Variants in PSG7 observed in about 807,000 individuals in gnomAD.
PSG7 encodes the protein pregnancy specific beta-1-glycoprotein 7.
PSG7 carries 57 observed loss-of-function variants against 45.6 expected under a neutral mutation model. The ratio of observed to expected loss-of-function variants is 1.25; its 90% CI spans 1.01 to 1.56. PSG7 has a LOEUF of 1.56. Among genes scored for constraint, PSG7 ranks in the 40% most tolerant of loss-of-function variants. The pLI, the probability that PSG7 is intolerant of heterozygous loss-of-function variation, is 0.00. For synonymous variants in PSG7, 298 were observed against 194.4 expected (o/e 1.53, Z -4.43); for missense variants, 796 against 508.4 (o/e 1.57, Z -5.44).
Position 42,926,665 on chromosome 19 carries a change from T to A in PSG7, c.761A>T (p.Asn254Ile), listed in dbSNP as rs769937860. Residue 254 changes from asparagine to isoleucine, a missense_variant, in exon 4 of 6, where the codon AAT becomes ATT. Asn to Ile is a moderately radical substitution (Grantham distance 149, BLOSUM62 -3). Transcript: ENST00000406070. ...ACAGGTGAAGGTTGAGACATCCTTA[T>A]TCTCCCTGGGGTTTAAGTTATTGAT... ...ITINNLNPRE[N>I]KDVSTFTCEP... is the part of the protein sequence containing the mutation. 6.2e-7 allele frequency: 1 copy of A among 1,610,328 alleles called. No individual in the cohort carries two copies. Among genetic ancestry groups the A allele is most frequent in the East Asian group, 2.2e-5 (1 of 44,808 alleles).
intron 1 of PSG7, among the ~76,000 whole-genome samples, chr19:42,936,688 C>G (rs1246965358): frequency 6.6e-6 from 1 of 151,174 alleles, no homozygotes; most frequent in African/African-American, 2.4e-5. Context: ...CATACTGTCA[C>G]CCAGGCTGGC....
rs560722225 is a variant in PSG7, at chr19:42,929,861, A to G, written c.431-141T>C. On this transcript the variant is annotated intron_variant, in intron 2 of 5. Coordinates refer to ENST00000406070, the MANE Select transcript of PSG7 (RefSeq NM_002783.3). ...CCATGGCAGGTGTGTGTGTTACAAG[A>G]CAGATGCATGGCAATCTGAGGGCTC... 44 of 1,336,764 alleles carry G rather than the reference A, an allele frequency of 3.3e-5. 2 individuals carry two copies. In the South Asian group the frequency reaches 6.3e-4, roughly 19 times the overall value. The allele number at this position is 1,336,764 out of a possible 1,614,324, so 82.8% of individuals were successfully genotyped here.
chr19:42,929,432 A>G lies in PSG7; in HGVS notation c.709+10T>C, dbSNP rs759285048. On this transcript the variant is annotated intron_variant, in intron 3 of 5. Transcript: ENST00000406070. ...GCAGCCTGGCTAACAGAGGAACAGA[A>G]GATACTCACGGAGGAGATTCAGGGT... The G allele has an allele frequency of 1.1e-5, 18 of 1,612,108 alleles. 1 individual carries two copies. In the East Asian group the frequency reaches 1.6e-4, roughly 14 times the overall value.
Position 42,937,046 on chromosome 19 carries a change from G to T in PSG7, c.31C>A (p.Gln11Lys). The T allele has an allele frequency of 6.2e-7, 1 of 1,611,626 alleles. No individual in the cohort carries two copies. The highest frequency in any genetic ancestry group is 1.3e-5 in the African/African-American group (1 of 74,756). MGPLSAPPCT[Q>K]HITWKGLLLT... ...AGGAGCCCTTTCCAGGTTATATGCT[G>T]TGTGCAGGGAGGGGCTGAGAGGGGC... The change falls in exon 1 of 6, where the codon CAG becomes AAG. Residue 11 changes from glutamine to lysine, a missense_variant. Transcript: ENST00000406070.
rs960392930 is a variant in PSG7, at chr19:42,924,605, T to A, written c.*203A>T. On this transcript the variant is annotated 3_prime_UTR_variant, in exon 6 of 6. Coordinates refer to ENST00000406070, the MANE Select transcript of PSG7 (RefSeq NM_002783.3). ...ACAGTGTGAAGTCATCAACTTGTTT[T>A]CCTTGTTTACAGTTTGAGCAGCTGT... 16 of 639,574 alleles carry A rather than the reference T, an allele frequency of 2.5e-5. No individual in the cohort carries two copies. The highest frequency in any genetic ancestry group is 4.2e-5 in the Non-Finnish European group (15 of 357,836). 39.6% of individuals were successfully genotyped at this position (639,574 alleles called of 1,614,324 possible). A position where few individuals can be genotyped will look rare whatever the true frequency, so the allele number is the denominator to read the frequency against.
At chr19:42,930,847 C>T (rs564530291) in intron 2 of PSG7, among the ~76,000 whole-genome samples, 1 of 151,538 alleles carries the variant, frequency 6.6e-6, no homozygotes, top group African/African-American at 2.4e-5. Flanking sequence ...CCTGTACAGC[C>T]TCATGCCTAT....
At position 42,924,142 on chromosome 19, in the gene PSG7, T is replaced by G. The variant is rs1568453221; in HGVS notation, c.*666A>C. 6.3e-6 allele frequency: 1 copy of G among 159,384 alleles called. No homozygotes were observed. The highest frequency in any genetic ancestry group is 6.3e-5 in the Admixed American group (1 of 15,946). 9.9% of individuals were successfully genotyped at this position (159,384 alleles called of 1,614,324 possible). On this transcript the variant is annotated 3_prime_UTR_variant, in exon 6 of 6. Coordinates refer to ENST00000406070, the MANE Select transcript of PSG7 (RefSeq NM_002783.3). Reference sequence around the variant, plus strand: ...TTTAAGAGAACAGTATTAGCAAATGTAGTACATGTTTTATTCTGCTAGAAT... The same window carrying G: ...TTTAAGAGAACAGTATTAGCAAATGGAGTACATGTTTTATTCTGCTAGAAT...
rs567356351 is a variant in PSG7, at chr19:42,924,251, C to G, written c.*557G>C. 1 of 249,224 alleles carries G rather than the reference C, an allele frequency of 4.0e-6. No homozygotes were observed. Among genetic ancestry groups the G allele is most frequent in the East Asian group, 7.9e-5 (1 of 12,700 alleles). 15.4% of individuals were successfully genotyped at this position (249,224 alleles called of 1,614,324 possible). A position where few individuals can be genotyped will look rare whatever the true frequency, so the allele number is the denominator to read the frequency against. On this transcript the variant is annotated 3_prime_UTR_variant, in exon 6 of 6. Coordinates refer to ENST00000406070, the MANE Select transcript of PSG7 (RefSeq NM_002783.3). ...CAATGTGCATTTAAAGGGGAGTCTA[C>G]TATAATTTCAGCTTTCCTACTCTTT...
chr19:42,929,369 C>T (rs111661802), intron 3 of PSG7, 73 bp downstream of exon 3: 231,588 of 1,609,656 alleles, frequency 0.14, 21,974 homozygotes, highest in Admixed American at 0.2. Flanking sequence ...CTGAGAGGGA[C>T]TGAGAAGCCC....
intron 2 of PSG7, among the ~76,000 whole-genome samples, chr19:42,935,135 T>C (rs1454288564): frequency 6.6e-6 from 1 of 151,852 alleles, no homozygotes; most frequent in African/African-American, 2.4e-5. Context: ...ATGAGGTGCT[T>C]GGCTGAGACT....
chr19:42,929,388 G>A lies in PSG7; in HGVS notation c.709+54C>T, dbSNP rs144272065. On this transcript the variant is annotated intron_variant, in intron 3 of 5. Coordinates refer to ENST00000406070, the MANE Select transcript of PSG7 (RefSeq NM_002783.3). Reference sequence around the variant, plus strand: ...GAGGGACTGAGAAGCCCGGCCTCTGGCCATGTGTATTTGGGATGGCAGCCT... The same window carrying A: ...GAGGGACTGAGAAGCCCGGCCTCTGACCATGTGTATTTGGGATGGCAGCCT... The A allele has an allele frequency of 7.1e-4, 1,147 of 1,611,446 alleles. 32 individuals are homozygous for A. In the African/African-American group the frequency reaches 0.014, roughly 19 times the overall value.
intron 2 of PSG7, 128 bp from the exon 3 acceptor site, chr19:42,929,848 TG>T (rs1451467755): frequency 7.2e-7 from 1 of 1,389,064 alleles, no homozygotes; most frequent in Non-Finnish European, 9.8e-7. Flanking sequence ...ATGGCAGGTG[TG>T]TGTGTTACAA....
chr19:42,933,289 ATATATATATATATATATATTTTT>A (rs1472547600), intron 2 of PSG7, among the ~76,000 whole-genome samples: 4 of 8,916 alleles, frequency 4.5e-4, no homozygotes, highest in Admixed American at 1.1e-3. Context: ...ATATATATAT[ATATATATATATATATATATTTTT>A]TTTTTTTTTT....
Position 42,924,804 on chromosome 19 carries a change from G to T in PSG7, c.*4C>A. 1 of 764,166 alleles carries T rather than the reference G, an allele frequency of 1.3e-6. No homozygotes were observed. Among genetic ancestry groups the T allele is most frequent in the Non-Finnish European group, 2.4e-6 (1 of 416,644 alleles). 47.3% of individuals were successfully genotyped at this position (764,166 alleles called of 1,614,324 possible). A position where few individuals can be genotyped will look rare whatever the true frequency, so the allele number is the denominator to read the frequency against. On this transcript the variant is annotated 3_prime_UTR_variant, in exon 6 of 6. Transcript: ENST00000406070. The stretch of plus-strand genomic sequence containing the variant: ...GAAGATGGAATTGGAGGAACTAGTA[G>T]AATTCAGGGTAATGTCCAGTCTACA...
rs749676966 is a variant in PSG7 at position 42,926,488 on chromosome 19, C to T, written c.938G>A (p.Arg313Gln). The change falls in exon 4 of 6, where the codon CGG (arginine) becomes CAG (glutamine). Residue 313 changes from arginine to glutamine, a missense_variant. Transcript: ENST00000406070. ...ACTGCGGATGCCACCATATCGGTCC[C>T]GTATTTCACATTGATAGGGTCCTGT... ...NETGPYQCEIRDRYGGIRSDP... is the reference protein window; with the variant it reads ...NETGPYQCEIQDRYGGIRSDP... The T allele has an allele frequency of 3.2e-5, 51 of 1,611,336 alleles. 2 individuals carry two copies. The highest frequency in any genetic ancestry group is 2.3e-4 in the South Asian group (21 of 90,592).
chr19:42,936,616 C>G (rs569029200), intron 1 of PSG7: 2 of 204,054 alleles, frequency 9.8e-6, no homozygotes, highest in Non-Finnish European at 1.9e-5. Flanking sequence ...CCTATCCAGG[C>G]TCCAACAGAG....
At position 42,933,568 on chromosome 19, in the gene PSG7, G is replaced by A. The variant is rs546239767; in HGVS notation, c.430+1836C>T. ...CACCTTTCCTATTTCCTGGGAGGTG[G>A]GCCAGGCCACAGTGTTAGCGGGAAG... is the stretch of plus-strand genomic sequence containing the variant. On this transcript the variant is annotated intron_variant, in intron 2 of 5. Transcript: ENST00000406070. Among the ~76,000 whole-genome samples, 74 of 150,078 alleles carry A rather than the reference G, an allele frequency of 4.9e-4. 1 individual carries two copies. The South Asian group carries it at 0.015, about 31-fold the overall frequency.
At chr19:42,927,688 T>C (rs1010607232) in intron 3 of PSG7, 8 of 151,562 alleles carry the variant, frequency 5.3e-5, no homozygotes, top group African/African-American at 1.5e-4. Context: ...TCCTTGGGGT[T>C]GACTACTCTA....
At chr19:42,929,773 A>G in intron 2 of PSG7, 53 bp from the exon 3 acceptor site, 1 of 1,573,042 alleles carries the variant, frequency 6.4e-7, no homozygotes, top group Non-Finnish European at 8.6e-7. Context: ...TGACTCCTCC[A>G]AAGGCATTTT....
Sources: gnomAD v4.1 joint callset for allele counts (sites outside exome capture counted in the v4.1 genomes callset) on GRCh38, gnomAD v4.1.1 for gene constraint, MANE v1.5 for transcripts, NCBI Gene and HGNC (gene_info 2026-07-23, HGNC 2026-07-21) for gene names.